The following TSPEAR variants were observed in gnomAD, a reference collection of about 807,000 sequenced individuals.
The protein encoded by TSPEAR is thrombospondin-type laminin G domain and EAR repeat-containing protein.
TSPEAR carries 69 observed loss-of-function variants against 71.6 expected under a neutral mutation model. The observed-to-expected ratio is 0.96, with a 90% CI of 0.79 to 1.18. The LOEUF is 1.18. TSPEAR is among the 50% of genes most tolerant of loss of function. TSPEAR has a pLI of 0.00. For synonymous variants in TSPEAR, 402 were observed against 387.2 expected (o/e 1.04, Z -0.45); for missense variants, 971 against 894.9 (o/e 1.09, Z -1.09).
chr21:44,556,384 T>C (rs782597273), intron 2 of TSPEAR, among the ~76,000 whole-genome samples: 2 of 146,530 alleles, frequency 1.4e-5, no homozygotes, highest in Non-Finnish European at 3.0e-5. Context: ...CAAAAAAAAA[T>C]AACAACAACA....
chr21:44,528,218 A>C (rs972289681), intron 6 of TSPEAR, among the ~76,000 whole-genome samples: 1 of 152,090 alleles, frequency 6.6e-6, no homozygotes, highest in Non-Finnish European at 1.5e-5. Flanking sequence ...GCCTGCCCTG[A>C]GGAGGGCCTG....
At chr21:44,500,991 C>A (rs2052019131) in intron 11 of TSPEAR, among the ~76,000 whole-genome samples, 1 of 152,186 alleles carries the variant, frequency 6.6e-6, no homozygotes, top group Non-Finnish European at 1.5e-5. Flanking sequence ...CTGCCTTCAG[C>A]TTTTCTTCTT....
At chr21:44,674,069 G>A (rs73234818) in intron 1 of TSPEAR, among the ~76,000 whole-genome samples, 5,865 of 150,470 alleles carry the variant, frequency 0.039, 124 homozygotes, top group Middle Eastern at 0.081. Context: ...ATGATCACTT[G>A]AGCCCAGGAG....
At chr21:44,624,288 A>G (rs1982632775) in intron 1 of TSPEAR, among the ~76,000 whole-genome samples, 1 of 152,148 alleles carries the variant, frequency 6.6e-6, no homozygotes, top group Non-Finnish European at 1.5e-5. Context: ...GAAATTCTCC[A>G]TTTGTCCTCT....
intron 1 of TSPEAR, among the ~76,000 whole-genome samples, chr21:44,569,399 C>T (rs188790057): frequency 5.9e-5 from 9 of 151,994 alleles, no homozygotes; most frequent in East Asian, 3.9e-4. Flanking sequence ...CAGGAACAGC[C>T]GGCAAAGCAG....
chr21:44,615,369 C>T (rs1049303115), intron 1 of TSPEAR, among the ~76,000 whole-genome samples: 84 of 152,200 alleles, frequency 5.5e-4, no homozygotes, highest in Non-Finnish European at 1.1e-3. Flanking sequence ...AGCGAGGCAG[C>T]GCTCTCTGGC....
chr21:44,651,153 C>T (rs1173671402), intron 1 of TSPEAR, among the ~76,000 whole-genome samples: 1 of 152,148 alleles, frequency 6.6e-6, no homozygotes, highest in African/African-American at 2.4e-5. Context: ...ATGGACAGGC[C>T]ACGAGCGGGA....
Position 44,600,443 on chromosome 21 carries a change from G to A in TSPEAR, c.83-32438C>T, listed in dbSNP as rs587677919. Among the ~76,000 whole-genome samples, 5 of 152,254 alleles carry A rather than the reference G, an allele frequency of 3.3e-5. No homozygotes were observed. The East Asian group carries it at 9.6e-4, about 29-fold the overall frequency. ...CTAAACATGAAACTCGCACTAATAA[G>A]CGTTCTCTAGGTTTTAAACACAAAC... On this transcript the variant is annotated intron_variant, in intron 1 of 11. Transcript: ENST00000323084.
chr21:44,515,344 A>C (rs1227052908), intron 9 of TSPEAR, among the ~76,000 whole-genome samples: 1 of 152,168 alleles, frequency 6.6e-6, no homozygotes, highest in East Asian at 1.9e-4. Flanking sequence ...GGGCCCTCCT[A>C]AGGCACCTTC....
chr21:44,589,235 C>T (rs1312854827), intron 1 of TSPEAR, among the ~76,000 whole-genome samples: 2 of 152,344 alleles, frequency 1.3e-5, no homozygotes, highest in African/African-American at 4.8e-5. Context: ...GCTTTCAAGG[C>T]TCATGCATGT....
At chr21:44,634,430 G>T (rs868992584) in intron 1 of TSPEAR, among the ~76,000 whole-genome samples, 62 of 152,282 alleles carry the variant, frequency 4.1e-4, no homozygotes, top group African/African-American at 1.5e-3. Context: ...TTGGGCAATG[G>T]TTTTTTAGAT....
intron 2 of TSPEAR, among the ~76,000 whole-genome samples, chr21:44,553,295 C>T (rs587651003): frequency 6.6e-6 from 1 of 152,226 alleles, no homozygotes; most frequent in East Asian, 1.9e-4. Flanking sequence ...AGAAGCCAGC[C>T]GGTCTGTACA....
At chr21:44,528,835 G>A (rs587728993) in intron 5 of TSPEAR, among the ~76,000 whole-genome samples, 14 of 152,364 alleles carry the variant, frequency 9.2e-5, no homozygotes, top group African/African-American at 2.4e-4. Flanking sequence ...TCTGAAAGGC[G>A]TGGCTTTCCA....
intron 1 of TSPEAR, among the ~76,000 whole-genome samples, chr21:44,689,105 C>T (rs1555949345): frequency 6.6e-6 from 1 of 152,106 alleles, no homozygotes; most frequent in African/African-American, 2.4e-5. Flanking sequence ...CCGGGACCAC[C>T]CTCACCCCAG....
rs531663267 is a variant in TSPEAR, at chr21:44,693,224, C to T, written c.82+18209G>A. Among the ~76,000 whole-genome samples, 39 of 152,136 alleles carry T rather than the reference C, an allele frequency of 2.6e-4. No individual in the cohort carries two copies. The South Asian group carries it at 7.7e-3, about 30-fold the overall frequency. On this transcript the variant is annotated intron_variant, in intron 1 of 11. Transcript: ENST00000323084. ...AAAATTAACTCTAAATGGATCAATG[C>T]CCTAAATATGGTAGCTGGAACCATC...
At chr21:44,705,975 G>A (rs1254254994) in intron 1 of TSPEAR, among the ~76,000 whole-genome samples, 1 of 152,150 alleles carries the variant, frequency 6.6e-6, no homozygotes, top group East Asian at 1.9e-4. Context: ...GTCTCCCCCG[G>A]ACGCCCAGCT....
At chr21:44,660,448 C>G (rs1364560845) in intron 1 of TSPEAR, among the ~76,000 whole-genome samples, 1 of 152,206 alleles carries the variant, frequency 6.6e-6, no homozygotes, top group Non-Finnish European at 1.5e-5. Flanking sequence ...GACTTCTAAT[C>G]AGAAATCACA....
chr21:44,550,800 C>T lies in TSPEAR; in HGVS notation c.304-16877G>A, dbSNP rs782363574. The T allele has an allele frequency of 2.1e-5, 34 of 1,597,056 alleles. No individual in the cohort carries two copies. Among genetic ancestry groups the T allele is most frequent in the Non-Finnish European group, 2.7e-5 (32 of 1,169,280 alleles). ...GGAGGGTCTGCAGCAGGAGGAGGTG[C>T]AGCAAGCTGGCTGGCAGCTAGACTG... On this transcript the variant is annotated intron_variant, in intron 2 of 11. Transcript: ENST00000323084.
chr21:44,627,585 G>A (rs781816025), intron 1 of TSPEAR: 11 of 1,612,804 alleles, frequency 6.8e-6, no homozygotes, highest in African/African-American at 1.3e-5. Flanking sequence ...CCTGCCAGCC[G>A]GCCTGCTGTG....
Sources: allele counts gnomAD v4.1 joint callset (sites outside exome capture counted in the v4.1 genomes callset), GRCh38; gene constraint gnomAD v4.1.1; transcripts MANE v1.5; gene names NCBI Gene and HGNC (gene_info 2026-07-23, HGNC 2026-07-21).